Variants in MRTFB observed in about 807,000 individuals in gnomAD.
MRTFB encodes the protein myocardin related transcription factor B, also known as myocardin-related transcription factor B.
Under a neutral mutation model 104.2 loss-of-function variants are expected in MRTFB, and 29 were observed. The observed-to-expected ratio is 0.28, with a 90% CI of 0.21 to 0.38. The LOEUF (loss-of-function observed/expected upper bound fraction) is 0.38, where lower values mean the gene tolerates loss of function less well. Ranked by LOEUF, MRTFB falls within the 10% of genes least tolerant of loss-of-function variation. MRTFB has a pLI of 1.00. For missense variants in MRTFB, 1,270 were observed against 1,341.6 expected, an observed-to-expected ratio of 0.95 and a Z score of 0.83; for synonymous variants, 535 against 519.5, an observed-to-expected ratio of 1.03 and a Z score of -0.41.
chr16:14,012,301 T>G, the MRTFB span, among the ~76,000 whole-genome samples: 8 of 135,172 alleles, frequency 5.9e-5, no homozygotes, highest in African/African-American at 9.2e-5. Flanking sequence ...CTTTCTTTCT[T>G]TTTTTTTTTT....
rs544041839 is a variant in MRTFB, at chr16:14,247,487, G to A, written c.2227G>A (p.Val743Ile). ...GAGTGTCACCTCAGTGCAACTCCCTGTAGGCAGCCTCAAACTCCAGGTGTG... is the reference window on the plus strand; with the variant it reads ...GAGTGTCACCTCAGTGCAACTCCCTATAGGCAGCCTCAAACTCCAGGTGTG... ...GSSVTSVQLP[V>I]GSLKLQTSPQ... The change falls in exon 12 of 17, where the codon GTA (valine) becomes ATA (isoleucine). Residue 743 changes from valine to isoleucine, a missense_variant. Physicochemically the swap from Val to Ile is conservative, Grantham distance 29. This residue lies in a region of MRTFB where 1,144 missense variants were observed against 1,131.5 expected (regional missense o/e 1.01). Coordinates refer to ENST00000571589, the MANE Select transcript of MRTFB (RefSeq NM_001308142.2). 1 of 1,565,618 alleles carries A rather than the reference G, an allele frequency of 6.4e-7. No homozygotes were observed. The highest frequency in any genetic ancestry group is 8.6e-7 in the Non-Finnish European group (1 of 1,160,854).
intron 3 of MRTFB, chr16:14,148,764 C>G (rs2038458118): frequency 1.3e-5 from 2 of 152,598 alleles, no homozygotes; most frequent in Non-Finnish European, 2.9e-5. Flanking sequence ...CACAGCTTGC[C>G]CATTATGACA....
At chr16:14,021,637 A>G in the MRTFB span, among the ~76,000 whole-genome samples, 3 of 152,062 alleles carry the variant, frequency 2.0e-5, no homozygotes, top group Admixed American at 6.5e-5. Flanking sequence ...TTGCATCCTC[A>G]TAGCTTAGCT....
At chr16:14,245,060 T>G (rs997161904) in intron 10 of MRTFB, among the ~76,000 whole-genome samples, 10 of 152,208 alleles carry the variant, frequency 6.6e-5, no homozygotes, top group African/African-American at 2.4e-4. Flanking sequence ...CAACGTAGCA[T>G]GGCACCATTG....
rs146357718 is a variant in MRTFB, at chr16:14,179,027, G to A, written c.155-31216G>A. On this transcript the variant is annotated intron_variant, in intron 3 of 16. Transcript: ENST00000571589. Reference sequence around the variant, plus strand: ...CAAAGTGCGGGAATTACAGGCATGAGCCACCACACCAGCCAGATGACTTAA... The same window carrying A: ...CAAAGTGCGGGAATTACAGGCATGAACCACCACACCAGCCAGATGACTTAA... Among the ~76,000 whole-genome samples the A allele has an allele frequency of 7.9e-5, 12 of 152,236 alleles. No individual in the cohort carries two copies. The East Asian group carries it at 2.3e-3, about 29-fold the overall frequency.
intron 3 of MRTFB, chr16:14,150,702 C>T (rs550552768): frequency 6.6e-6 from 1 of 152,234 alleles, no homozygotes; most frequent in Admixed American, 6.5e-5. Context: ...ATGAGGAACA[C>T]ATATCTACAG....
intron 8 of MRTFB, among the ~76,000 whole-genome samples, chr16:14,223,125 A>C (rs1468168062): frequency 6.6e-6 from 1 of 152,070 alleles, no homozygotes; most frequent in Non-Finnish European, 1.5e-5. Flanking sequence ...TGGGCATCAT[A>C]GTGAGACCCC....
At chr16:14,242,557 T>C (rs995608165) in intron 10 of MRTFB, among the ~76,000 whole-genome samples, 4 of 152,168 alleles carry the variant, frequency 2.6e-5, no homozygotes. Flanking sequence ...GTGCCCATAG[T>C]GGTGGGAGTT....
At position 14,246,672 on chromosome 16, in the gene MRTFB, A is replaced by G. The variant is rs755491163; in HGVS notation, c.1412A>G (p.His471Arg). Residue 471 changes from histidine to arginine, a missense_variant, in exon 12 of 17, where the codon CAC (histidine) becomes CGC (arginine). By Grantham distance (29) the His-to-Arg change is conservative. Coordinates refer to ENST00000571589, the MANE Select transcript of MRTFB (RefSeq NM_001308142.2). ...VTVALPVTTLHNTVTSSVSTL... is the reference protein window; with the variant it reads ...VTVALPVTTLRNTVTSSVSTL... ...GTGGCCTTGCCGGTTACAACACTACACAACACTGTGACTAGCTCAGTCTCT... is the reference window on the plus strand; with the variant it reads ...GTGGCCTTGCCGGTTACAACACTACGCAACACTGTGACTAGCTCAGTCTCT... 6.2e-7 allele frequency: 1 copy of G among 1,614,034 alleles called. No individual in the cohort carries two copies.
At position 14,181,237 on chromosome 16, in the gene MRTFB, A is replaced by G. The variant is rs1323670567; in HGVS notation, c.155-29006A>G. Among the ~76,000 whole-genome samples the G allele has an allele frequency of 5.3e-5, 8 of 152,324 alleles. No individual in the cohort carries two copies. In the South Asian group the frequency reaches 8.3e-4, roughly 16 times the overall value. The stretch of plus-strand genomic sequence containing the variant: ...TTAATTAACCGTTGGGATTTACCAT[A>G]ACCATTTAGTAACAGTCTAAAGGTA... On this transcript the variant is annotated intron_variant, in intron 3 of 16. Coordinates refer to ENST00000571589, the MANE Select transcript of MRTFB (RefSeq NM_001308142.2).
chr16:14,007,441 T>G, the MRTFB span, among the ~76,000 whole-genome samples: 1 of 152,262 alleles, frequency 6.6e-6, no homozygotes, highest in African/African-American at 2.4e-5. Context: ...TGTTTCATCA[T>G]ATGTATAAAG....
At chr16:14,238,321 A>G (rs148600938) in intron 9 of MRTFB, among the ~76,000 whole-genome samples, 260 of 152,248 alleles carry the variant, frequency 1.7e-3, no homozygotes, top group African/African-American at 5.8e-3. Flanking sequence ...CCAGGTGTCT[A>G]TGACAAAGGG....
the MRTFB span, among the ~76,000 whole-genome samples, chr16:14,007,032 A>G: frequency 6.6e-6 from 1 of 152,206 alleles, no homozygotes; most frequent in Admixed American, 6.5e-5. Context: ...ATAAAGAAAC[A>G]AAGAAAAGAA....
intron 2 of MRTFB, among the ~76,000 whole-genome samples, chr16:14,131,202 T>C (rs1168112429): frequency 6.6e-6 from 1 of 152,224 alleles, no homozygotes; most frequent in Non-Finnish European, 1.5e-5. Flanking sequence ...TATACTACAC[T>C]GTCTCTGTTG....
chr16:14,261,222 G>A lies in MRTFB; in HGVS notation c.3078G>A (p.Leu1026=), dbSNP rs772339655. The change falls in exon 17 of 17, where the codon CTG becomes CTA. Residue 1026 remains leucine (L), a synonymous_variant. Transcript: ENST00000571589. ...ATCTGCTGAGTCACTCAGGTATGCT[G>A]GACCATTCACACTCACCCATGGAGA... ...QNDLLSHSGM[L]DHSHSPMETS... 1 of 1,614,124 alleles carries A rather than the reference G, an allele frequency of 6.2e-7. No individual in the cohort carries two copies.
intron 1 of MRTFB, among the ~76,000 whole-genome samples, chr16:14,077,186 C>T (rs1303847546): frequency 6.6e-6 from 1 of 152,196 alleles, no homozygotes; most frequent in African/African-American, 2.4e-5. Flanking sequence ...AAGGCCTCCA[C>T]GATTTCTGGA....
chr16:14,153,342 A>C (rs2038708180), intron 3 of MRTFB: 1 of 152,200 alleles, frequency 6.6e-6, no homozygotes, highest in Non-Finnish European at 1.5e-5. Context: ...GTTTTCTAAC[A>C]ACTTTTTTAT....
chr16:14,030,072 G>C, the MRTFB span, among the ~76,000 whole-genome samples: 1 of 152,114 alleles, frequency 6.6e-6, no homozygotes, highest in African/African-American at 2.4e-5. Context: ...CGATGAGGAG[G>C]GGAGCTGGGT....
chr16:14,156,229 T>C (rs1453999364), intron 3 of MRTFB, among the ~76,000 whole-genome samples: 2 of 152,246 alleles, frequency 1.3e-5, no homozygotes, highest in African/African-American at 2.4e-5. Context: ...ATGATTGTTA[T>C]TCCATCATGG....
Sources: allele counts gnomAD v4.1 joint callset (sites outside exome capture counted in the v4.1 genomes callset), GRCh38; gene constraint gnomAD v4.1.1; regional missense constraint gnomAD v4.1.1; transcripts MANE v1.5; gene names NCBI Gene and HGNC (gene_info 2026-07-23, HGNC 2026-07-21).